Variants in PDSS2 observed in about 807,000 individuals in gnomAD.
PDSS2 encodes decaprenyl diphosphate synthase subunit 2, also known as all trans-polyprenyl-diphosphate synthase PDSS2.
PDSS2 carries 31 observed loss-of-function variants against 44.5 expected under a neutral mutation model. That is an observed-to-expected ratio of 0.70 (90% CI 0.52 to 0.94). The LOEUF is 0.94. Among genes scored for constraint, PDSS2 ranks in the 40% least tolerant of loss-of-function variants. The probability of loss-of-function intolerance (pLI) is 0.00; values close to 1 mark genes in which losing one functional copy is unlikely to be tolerated. For missense variants in PDSS2, 452 were observed against 482.2 expected (o/e 0.94, Z 0.59); for synonymous variants, 157 against 180.3 (o/e 0.87, Z 1.03).
chr6:107,327,250 C>G (rs1777577050), intron 2 of PDSS2, among the ~76,000 whole-genome samples: 1 of 152,142 alleles, frequency 6.6e-6, no homozygotes, highest in South Asian at 2.1e-4. Flanking sequence ...CATCATTGCA[C>G]TGGGTCCCCA....
In PDSS2 at chr6:107,194,953, C is replaced by CG. The variant is rs1554252315; in HGVS notation, c.1009-1100_1009-1099insC. Among the ~76,000 whole-genome samples, 12 of 142,622 alleles carry CG rather than the reference C, an allele frequency of 8.4e-5. No homozygotes were observed. The East Asian group carries it at 1.6e-3, about 19-fold the overall frequency. The allele number at this position is 142,622 out of a possible 152,430, so 93.6% of individuals were successfully genotyped here. The stretch of plus-strand genomic sequence containing the variant: ...TGAGTGACAGAGCAAGACTCCATCT[C>CG]AAAAAAAAAAAAATCTTAACATAAC... On this transcript the variant is annotated intron_variant, in intron 6 of 7. Coordinates refer to ENST00000369037, the MANE Select transcript of PDSS2 (RefSeq NM_020381.4).
At chr6:107,438,742 C>A (rs1165163557) in intron 1 of PDSS2, among the ~76,000 whole-genome samples, 1 of 152,162 alleles carries the variant, frequency 6.6e-6, no homozygotes, top group Non-Finnish European at 1.5e-5. Context: ...CAAAACCTCT[C>A]CAGGATTATT....
At chr6:107,357,497 T>TA (rs35425057) in intron 1 of PDSS2, among the ~76,000 whole-genome samples, 15,756 of 151,552 alleles carry the variant, frequency 0.1, 982 homozygotes, top group South Asian at 0.19. Context: ...TATTTGAATG[T>TA]AAAAAAAAAT....
chr6:107,155,983 G>A lies in PDSS2; in HGVS notation c.1042-1206C>T, dbSNP rs142385682. ...TGTCTCATTGCAACCTCCGCCTCCCGGATTCAAGCAATTCTTCTGCCTCAG... is the reference window on the plus strand; with the variant it reads ...TGTCTCATTGCAACCTCCGCCTCCCAGATTCAAGCAATTCTTCTGCCTCAG... On this transcript the variant is annotated intron_variant, in intron 7 of 7. Transcript: ENST00000369037. 4.2e-4 allele frequency among the ~76,000 whole-genome samples: 60 copies of A among 143,524 alleles called. 2 individuals carry two copies. In the East Asian group the frequency reaches 0.012, roughly 29 times the overall value. 94.2% of individuals were successfully genotyped at this position (143,524 alleles called of 152,430 possible).
At chr6:107,285,259 T>C (rs1344522023) in intron 2 of PDSS2, among the ~76,000 whole-genome samples, 2 of 152,152 alleles carry the variant, frequency 1.3e-5, no homozygotes, top group African/African-American at 4.8e-5. Context: ...AGAATAAATT[T>C]GAAAATTACA....
intron 2 of PDSS2, among the ~76,000 whole-genome samples, chr6:107,279,902 A>G (rs1334030807): frequency 6.6e-6 from 1 of 152,182 alleles, no homozygotes; most frequent in Non-Finnish European, 1.5e-5. Flanking sequence ...AGTATGAAAA[A>G]ATTTGAGAAA....
At chr6:107,401,484 A>G (rs1780104315) in intron 1 of PDSS2, among the ~76,000 whole-genome samples, 1 of 152,218 alleles carries the variant, frequency 6.6e-6, no homozygotes, top group Non-Finnish European at 1.5e-5. Flanking sequence ...GATGTGAAGG[A>G]ATCAGCATAA....
intron 1 of PDSS2, among the ~76,000 whole-genome samples, chr6:107,355,990 C>T (rs1778587794): frequency 1.3e-5 from 2 of 152,164 alleles, no homozygotes; most frequent in South Asian, 4.1e-4. Context: ...ACAGGACACA[C>T]AATTCAGTGT....
At chr6:107,242,659 C>T (rs993799499) in intron 4 of PDSS2, among the ~76,000 whole-genome samples, 1 of 152,162 alleles carries the variant, frequency 6.6e-6, no homozygotes, top group African/African-American at 2.4e-5. Context: ...CCTCCTGCCT[C>T]GCCTCAGCAT....
intron 1 of PDSS2, among the ~76,000 whole-genome samples, chr6:107,422,212 G>A (rs1053780059): frequency 1.3e-5 from 2 of 150,468 alleles, no homozygotes; most frequent in Non-Finnish European, 3.0e-5. Flanking sequence ...ACTCAACAAA[G>A]AAATAAAATT....
intron 1 of PDSS2, among the ~76,000 whole-genome samples, chr6:107,431,339 A>C (rs1781187736): frequency 6.6e-6 from 1 of 152,104 alleles, no homozygotes; most frequent in Non-Finnish European, 1.5e-5. Context: ...TACAGCCTCC[A>C]CTTCCCAGGC....
chr6:107,298,810 G>A (rs973972083), intron 2 of PDSS2, among the ~76,000 whole-genome samples: 2 of 152,076 alleles, frequency 1.3e-5, no homozygotes, highest in African/African-American at 4.8e-5. Flanking sequence ...AAAAAGAAAT[G>A]AGCACTCTTC....
chr6:107,252,616 G>C (rs1774860035), intron 3 of PDSS2, among the ~76,000 whole-genome samples: 1 of 152,200 alleles, frequency 6.6e-6, no homozygotes, highest in South Asian at 2.1e-4. Flanking sequence ...AAAATTCAGT[G>C]AACTAAACAA....
At chr6:107,428,676 A>T (rs959496691) in intron 1 of PDSS2, among the ~76,000 whole-genome samples, 4 of 151,796 alleles carry the variant, frequency 2.6e-5, no homozygotes, top group South Asian at 2.1e-4. Flanking sequence ...ACAAAAAGAA[A>T]TTTTTTTTTA....
chr6:107,338,400 A>T (rs1445279117), intron 1 of PDSS2, among the ~76,000 whole-genome samples: 2 of 152,238 alleles, frequency 1.3e-5, no homozygotes, highest in Non-Finnish European at 2.9e-5. Flanking sequence ...TCTCAAACGT[A>T]TTCAGCCAAG....
At chr6:107,286,664 A>T (rs1189744338) in intron 2 of PDSS2, among the ~76,000 whole-genome samples, 1 of 152,176 alleles carries the variant, frequency 6.6e-6, no homozygotes, top group South Asian at 2.1e-4. Flanking sequence ...AACAATAGCA[A>T]CATGGGAAAA....
At chr6:107,302,954 C>T (rs1562448077) in intron 2 of PDSS2, among the ~76,000 whole-genome samples, 1 of 151,782 alleles carries the variant, frequency 6.6e-6, no homozygotes, top group African/African-American at 2.4e-5. Context: ...TCATTTGTTT[C>T]CTTTTACATT....
At chr6:107,176,620 T>A (rs1771798928) in intron 7 of PDSS2, among the ~76,000 whole-genome samples, 1 of 152,170 alleles carries the variant, frequency 6.6e-6, no homozygotes, top group Non-Finnish European at 1.5e-5. Context: ...AGGCTCAACC[T>A]CTCTGCTAAG....
At chr6:107,166,527 G>T (rs1771357105) in intron 7 of PDSS2, among the ~76,000 whole-genome samples, 1 of 151,962 alleles carries the variant, frequency 6.6e-6, no homozygotes, top group Non-Finnish European at 1.5e-5. Flanking sequence ...ACCACGCCTG[G>T]CTATTTTTTT....
Sources: gnomAD v4.1 joint callset for allele counts (sites outside exome capture counted in the v4.1 genomes callset) on GRCh38, gnomAD v4.1.1 for gene constraint, MANE v1.5 for transcripts, NCBI Gene and HGNC (gene_info 2026-07-23, HGNC 2026-07-21) for gene names.